STAB2: variants seen among roughly 807,000 people sequenced by gnomAD.
STAB2 encodes the protein stabilin-2.
STAB2 carries 288 observed loss-of-function variants against 338.1 expected under a neutral mutation model. That is an observed-to-expected ratio of 0.85 (90% CI 0.77 to 0.94). The LOEUF (loss-of-function observed/expected upper bound fraction) is 0.94, where lower values mean the gene tolerates loss of function less well. STAB2 is among the 40% of genes least tolerant of loss of function. The pLI, the probability that STAB2 is intolerant of heterozygous loss-of-function variation, is 0.00. For missense variants in STAB2, 3,141 were observed against 3,210.1 expected, an observed-to-expected ratio of 0.98 and a Z score of 0.52; for synonymous variants, 1,202 against 1,193.3, an observed-to-expected ratio of 1.01 and a Z score of -0.15.
At chr12:103,628,233 T>C (rs1645854375) in intron 5 of STAB2, among the ~76,000 whole-genome samples, 1 of 152,224 alleles carries the variant, frequency 6.6e-6, no homozygotes, top group African/African-American at 2.4e-5. Context: ...GAGCTAGTTA[T>C]CTCCCATTTT....
At chr12:103,763,395 C>T (rs140188516) in intron 67 of STAB2, 97 bp from the exon 68 acceptor site, 1 of 942,678 alleles carries the variant, frequency 1.1e-6, no homozygotes, top group East Asian at 2.5e-5. Flanking sequence ...AGGAAAAGCT[C>T]CCAGAGGCAA....
chr12:103,618,751 T>G (rs969959685), intron 3 of STAB2, among the ~76,000 whole-genome samples: 24 of 152,100 alleles, frequency 1.6e-4, no homozygotes, highest in Admixed American at 6.5e-5. Context: ...AAAATAAGAT[T>G]TAACTTCAGA....
At chr12:103,747,409 GCTGAACTCCTTTT>G (rs1024140747) in intron 58 of STAB2, among the ~76,000 whole-genome samples, 3 of 152,274 alleles carry the variant, frequency 2.0e-5, no homozygotes, top group East Asian at 1.9e-4. Flanking sequence ...CATTTTGGGG[GCTGAACTCCTTTT>G]CTGAACTCCT....
intron 8 of STAB2, among the ~76,000 whole-genome samples, chr12:103,639,704 CAAAA>C (rs11449305): frequency 1.1e-5 from 1 of 92,276 alleles, no homozygotes. Flanking sequence ...GACCCTGTCT[CAAAA>C]AAAAAAAAAA....
At chr12:103,759,367 G>A in intron 65 of STAB2, 94 bp downstream of exon 65, 1 of 1,507,578 alleles carries the variant, frequency 6.6e-7, no homozygotes, top group Non-Finnish European at 8.9e-7. Context: ...CAACTATTAT[G>A]CAAACATAAA....
chr12:103,742,268 C>G, intron 55 of STAB2, 137 bp from the exon 56 acceptor site: 1 of 1,122,868 alleles, frequency 8.9e-7, no homozygotes. Context: ...CAGTGACGTG[C>G]CTTAAATATC....
chr12:103,627,937 T>C (rs751397366), intron 5 of STAB2, among the ~76,000 whole-genome samples: 1 of 152,210 alleles, frequency 6.6e-6, no homozygotes, highest in South Asian at 2.1e-4. Flanking sequence ...ACTGACATGT[T>C]GTATACCTAG....
Position 103,712,427 on chromosome 12 carries a change from C to G in STAB2, c.4395C>G (p.Asn1465Lys), listed in dbSNP as rs182228675. ...SCKCAAGFQGNGTICTAINAC... is the reference protein window; with the variant it reads ...SCKCAAGFQGKGTICTAINAC... ...AGTGTGCAGCAGGATTCCAAGGAAA[C>G]GGGACCATCTGCACAGGCAAGCGAA... The change falls in exon 41 of 69, where the codon AAC (asparagine) becomes AAG (lysine). Residue 1465 changes from asparagine (N) to lysine (K), a missense_variant. Asn to Lys is a moderately conservative substitution (Grantham distance 94). Coordinates refer to ENST00000388887, the MANE Select transcript of STAB2 (RefSeq NM_017564.10). 3 of 1,613,846 alleles carry G rather than the reference C, an allele frequency of 1.9e-6. No homozygotes were observed. The highest frequency in any genetic ancestry group is 4.5e-5 in the East Asian group (2 of 44,884).
intron 61 of STAB2, 109 bp from the exon 62 acceptor site, chr12:103,755,193 G>A: frequency 6.8e-7 from 1 of 1,478,982 alleles, no homozygotes; most frequent in Non-Finnish European, 9.1e-7. Flanking sequence ...AATAGGCAAA[G>A]TGAGACTTTA....
chr12:103,602,489 G>C (rs1956968204), intron 3 of STAB2, among the ~76,000 whole-genome samples: 1 of 152,192 alleles, frequency 6.6e-6, no homozygotes, highest in African/African-American at 2.4e-5. Flanking sequence ...AAATACCTGG[G>C]AGCGGGTGTC....
intron 50 of STAB2, among the ~76,000 whole-genome samples, chr12:103,732,781 G>A (rs1227902934): frequency 6.6e-6 from 1 of 152,158 alleles, no homozygotes; most frequent in Non-Finnish European, 1.5e-5. Flanking sequence ...CTCCAGCCGG[G>A]GCAACAGAGT....
At chr12:103,616,889 A>G (rs1025082272) in intron 3 of STAB2, among the ~76,000 whole-genome samples, 6 of 152,120 alleles carry the variant, frequency 3.9e-5, no homozygotes, top group Admixed American at 2.6e-4. Flanking sequence ...ATATGAGTGA[A>G]CTCAAATGGC....
At chr12:103,637,905 T>C in intron 7 of STAB2, 111 bp from the exon 8 acceptor site, 1 of 1,127,388 alleles carries the variant, frequency 8.9e-7, no homozygotes, top group South Asian at 1.5e-5. Context: ...ATGTTTGTCT[T>C]TGAAAACTGT....
chr12:103,729,203 T>G (rs999859438), intron 48 of STAB2, among the ~76,000 whole-genome samples: 1 of 151,782 alleles, frequency 6.6e-6, no homozygotes, highest in Non-Finnish European at 1.5e-5. Flanking sequence ...TAGTGGAGGG[T>G]GGAGAGTGGG....
intron 38 of STAB2, among the ~76,000 whole-genome samples, chr12:103,707,893 A>T (rs930568844): frequency 2.6e-5 from 4 of 152,210 alleles, no homozygotes; most frequent in African/African-American, 9.6e-5. Context: ...GCATTTGTGC[A>T]TGAGTTCCTA....
In STAB2 at chr12:103,706,944, C is replaced by T. The variant is rs756214537; in HGVS notation, c.4149C>T (p.Cys1383=). 2.5e-5 allele frequency: 41 copies of T among 1,614,034 alleles called. No individual in the cohort carries two copies. The highest frequency in any genetic ancestry group is 2.9e-5 in the Non-Finnish European group (34 of 1,180,030). The change falls in exon 38 of 69, where the codon TGC becomes TGT. Residue 1383 remains cysteine (C), a synonymous_variant. Coordinates refer to ENST00000388887, the MANE Select transcript of STAB2 (RefSeq NM_017564.10). ...GGGAGGGCTTCAGCGGCACAGCCTG[C>T]GAGACCTGCACCGAGGGCAAGTACG... is the stretch of plus-strand genomic sequence containing the variant. ...ECGEGFSGTA[C]ETCTEGKYGI...
rs1352915975 is a variant in STAB2, at chr12:103,685,040, G to A, written c.2953G>A (p.Gly985Ser). 1 of 1,614,042 alleles carries A rather than the reference G, an allele frequency of 6.2e-7. No homozygotes were observed. Among genetic ancestry groups the A allele is most frequent in the Admixed American group, 1.7e-5 (1 of 60,014 alleles). Residue 985 changes from glycine (G) to serine (S), a missense_variant, in exon 27 of 69, where the codon GGC (glycine) becomes AGC (serine). Physicochemically the swap from Gly to Ser is moderately conservative, Grantham distance 56 (BLOSUM62 0). Transcript: ENST00000388887. ...TGTCTGGAGCTGTGTTTGTCAAGAG[G>A]GCTATGAAGGAGATGGCTTTCTGTG... ...SGVWSCVCQEGYEGDGFLCYG... is the reference protein window; with the variant it reads ...SGVWSCVCQESYEGDGFLCYG...
chr12:103,696,372 C>T (rs1392232179), intron 33 of STAB2, among the ~76,000 whole-genome samples: 2 of 152,154 alleles, frequency 1.3e-5, no homozygotes, highest in East Asian at 3.9e-4. Flanking sequence ...GTGTGCTTGC[C>T]GTGCAAATCC....
At chr12:103,594,260 C>A (rs1956842031) in intron 2 of STAB2, 135 bp from the exon 3 acceptor site, 1 of 616,528 alleles carries the variant, frequency 1.6e-6, no homozygotes, top group Non-Finnish European at 2.9e-6. Context: ...ACCTAGAAAG[C>A]CAAATGTGTT....
Sources: gnomAD v4.1 joint callset for allele counts (sites outside exome capture counted in the v4.1 genomes callset) on GRCh38, gnomAD v4.1.1 for gene constraint, MANE v1.5 for transcripts, NCBI Gene and HGNC (gene_info 2026-07-23, HGNC 2026-07-21) for gene names.